PCDH1: variants seen among roughly 807,000 people sequenced by gnomAD.
PCDH1 encodes the protein protocadherin-1.
In PCDH1, 23 loss-of-function variants were observed where a neutral mutation model predicts 74.6. That is an observed-to-expected ratio of 0.31 (90% CI 0.22 to 0.44). PCDH1 has a LOEUF of 0.44. Among genes scored for constraint, PCDH1 ranks in the 20% least tolerant of loss-of-function variants. The pLI is 1.00. For missense variants in PCDH1, 1,214 were observed against 1,641.4 expected, an observed-to-expected ratio of 0.74 and a Z score of 4.50; for synonymous variants, 647 against 686.1, an observed-to-expected ratio of 0.94 and a Z score of 0.89.
At position 141,854,067 on chromosome 5, in the gene PCDH1, G is replaced by A. The variant is rs140762113; in HGVS notation, c.3689C>T (p.Thr1230Met). The change falls in exon 5 of 5, where the codon ACG (threonine) becomes ATG (methionine). Residue 1230 changes from threonine (T) to methionine (M), a missense_variant. By Grantham distance (81) the Thr-to-Met change is moderately conservative. Transcript: ENST00000287008. Reference sequence around the variant, plus strand: ...TCACAGGTAGATCTCGCGCTTGGCCGTCTGGGCAGATGCCGGTGTGGCTGC... The same window carrying A: ...TCACAGGTAGATCTCGCGCTTGGCCATCTGGGCAGATGCCGGTGTGGCTGC... ...PPAATPASAQTAKREIYL is the reference protein window; with the variant it reads ...PPAATPASAQMAKREIYL 3.5e-5 allele frequency: 54 copies of A among 1,527,396 alleles called. No individual in the cohort carries two copies. The highest frequency in any genetic ancestry group is 2.1e-4 in the Middle Eastern group (1 of 4,766). 94.6% of individuals were successfully genotyped at this position (1,527,396 alleles called of 1,614,324 possible). A position where few individuals can be genotyped will look rare whatever the true frequency, so the allele number is the denominator to read the frequency against.
intron 4 of PCDH1, 63 bp from the exon 5 acceptor site, chr5:141,854,499 T>C (rs1210170140): frequency 6.6e-7 from 1 of 1,507,428 alleles, no homozygotes; most frequent in Admixed American, 2.0e-5. Context: ...CTCTGCTTCA[T>C]GGCCTCCCAC....
intron 3 of PCDH1, among the ~76,000 whole-genome samples, chr5:141,860,831 G>A (rs923767283): frequency 2.0e-5 from 3 of 152,096 alleles, no homozygotes; most frequent in African/African-American, 7.2e-5. Context: ...AAATGGAAGT[G>A]AGTGCCGGGC....
At chr5:141,866,464 G>T (rs1752842686) in intron 2 of PCDH1, among the ~76,000 whole-genome samples, 1 of 152,224 alleles carries the variant, frequency 6.6e-6, no homozygotes, top group Non-Finnish European at 1.5e-5. Flanking sequence ...AATGGCCATG[G>T]GGTACTACTG....
At chr5:141,860,117 C>G (rs754508273) in intron 3 of PCDH1, among the ~76,000 whole-genome samples, 26 of 152,172 alleles carry the variant, frequency 1.7e-4, no homozygotes, top group Non-Finnish European at 3.1e-4. Context: ...CTTTCTCCTT[C>G]CAGAAGCCCA....
At chr5:141,877,551 C>T (rs1464248670) in intron 1 of PCDH1, among the ~76,000 whole-genome samples, 2 of 152,182 alleles carry the variant, frequency 1.3e-5, no homozygotes, top group South Asian at 2.1e-4. Flanking sequence ...TTTGTGTGTC[C>T]ACGTCGCGGG....
intron 3 of PCDH1, among the ~76,000 whole-genome samples, chr5:141,860,385 G>T (rs529609879): frequency 2.6e-5 from 4 of 151,650 alleles, no homozygotes; most frequent in Non-Finnish European, 5.9e-5. Flanking sequence ...GGTGGTGCAC[G>T]ACTGTAGTCC....
At chr5:141,855,340 C>T (rs1752295190) in intron 4 of PCDH1, among the ~76,000 whole-genome samples, 1 of 151,446 alleles carries the variant, frequency 6.6e-6, no homozygotes, top group South Asian at 2.1e-4. Context: ...CAAATCTGCC[C>T]TCAGACAGGT....
At chr5:141,862,567 A>G in intron 3 of PCDH1, 1 of 921,686 alleles carries the variant, frequency 1.1e-6, no homozygotes, top group Non-Finnish European at 1.3e-6. Context: ...AGGGAAGGGG[A>G]AATTGAGGTA....
Position 141,868,797 on chromosome 5 carries a change from C to T in PCDH1, c.675G>A (p.Gln225=), listed in dbSNP as rs771076440. 26 of 1,614,126 alleles carry T rather than the reference C, an allele frequency of 1.6e-5. No individual in the cohort carries two copies. The highest frequency in any genetic ancestry group is 2.2e-5 in the Non-Finnish European group (26 of 1,180,054). Residue 225 remains glutamine, a synonymous_variant, in exon 2 of 5, where the codon CAG becomes CAA. Transcript: ENST00000287008. The surrounding 1 kb of genome is among the most constrained non-coding windows in gnomAD (Gnocchi z 4.8). ...ELFGLQVAED[Q]EEKQPQLIVM... is the part of the protein sequence containing the mutation. Reference sequence around the variant, plus strand: ...CAATGAGCTGTGGTTGCTTCTCCTCCTGGTCCTCTGCCACCTGCAGCCCAA... The same window carrying T: ...CAATGAGCTGTGGTTGCTTCTCCTCTTGGTCCTCTGCCACCTGCAGCCCAA...
At position 141,866,055 on chromosome 5, in the gene PCDH1, CAT is replaced by C. The variant is rs1425578221; in HGVS notation, c.904-630_904-629del. 40 of 986,220 alleles carry C rather than the reference CAT, an allele frequency of 4.1e-5. No individual in the cohort carries two copies. In the South Asian group the frequency reaches 4.7e-4, roughly 12 times the overall value. The allele number at this position is 986,220 out of a possible 1,614,324, so 61.1% of individuals were successfully genotyped here. On this transcript the variant is annotated intron_variant, in intron 2 of 4. Coordinates refer to ENST00000287008, the MANE Select transcript of PCDH1 (RefSeq NM_032420.5). Reference sequence around the variant, plus strand: ...GTTTGTGCATATGTGTGTTTGCACACATGAGTAAAGACTCACATGCCCATCTG... The same window carrying C: ...GTTTGTGCATATGTGTGTTTGCACACGAGTAAAGACTCACATGCCCATCTG...
At chr5:141,877,641 G>A (rs1753274110) in intron 1 of PCDH1, among the ~76,000 whole-genome samples, 1 of 152,204 alleles carries the variant, frequency 6.6e-6, no homozygotes, top group South Asian at 2.1e-4. Context: ...ACACTGAAGC[G>A]GATTCTGAGC....
rs1753025692 is a variant in PCDH1, at chr5:141,869,414, G to T, written c.58C>A (p.Pro20Thr). 2 of 1,597,924 alleles carry T rather than the reference G, an allele frequency of 1.3e-6. No homozygotes were observed. Among genetic ancestry groups the T allele is most frequent in the Non-Finnish European group, 1.7e-6 (2 of 1,178,518 alleles). ...CPEAALLILG[P>T]PRMEHLRHSP... is the part of the protein sequence containing the mutation. Reference sequence around the variant, plus strand: ...TGCCTCAGGTGCTCCATCCTGGGAGGCCCCAGAATCAGGAGGGCTGCAAGG... The same window carrying T: ...TGCCTCAGGTGCTCCATCCTGGGAGTCCCCAGAATCAGGAGGGCTGCAAGG... The change falls in exon 2 of 5, where the codon CCT becomes ACT. Residue 20 changes from proline (P) to threonine (T), a missense_variant. Pro to Thr is a conservative substitution (Grantham distance 38). Coordinates refer to ENST00000287008, the MANE Select transcript of PCDH1 (RefSeq NM_032420.5). The surrounding 1 kb of genome is among the most constrained non-coding windows in gnomAD (Gnocchi z 4.9).
Position 141,865,346 on chromosome 5 carries a change from G to A in PCDH1, c.985C>T (p.Leu329Phe). ...CCAGTGTTCCTGTCCAGTCGAAGAA[G>A]ACGCCTCACAACTTCGGGCGCCTGG... is the stretch of plus-strand genomic sequence containing the variant. The part of the protein sequence containing the change: ...FHQAPEVVRR[L>F]LRLDRNTGLI... The change falls in exon 3 of 5, where the codon CTT (leucine) becomes TTT (phenylalanine). Residue 329 changes from leucine (L) to phenylalanine (F), a missense_variant. Around this residue, in one of 4 missense-constraint regions of PCDH1, gnomAD observed 836 missense variants for 1,182.2 expected, o/e 0.71. Coordinates refer to ENST00000287008, the MANE Select transcript of PCDH1 (RefSeq NM_032420.5). This position sits in a 1 kb window ranked among gnomAD's most constrained non-coding sequence, Gnocchi z 4.4. 6.2e-7 allele frequency: 1 copy of A among 1,614,180 alleles called. No individual in the cohort carries two copies. Among genetic ancestry groups the A allele is most frequent in the Non-Finnish European group, 8.5e-7 (1 of 1,180,034 alleles).
rs1753038830 is a variant in PCDH1, at chr5:141,869,669, C to G, written c.41-238G>C. ...GGAGCCAGTAAGAGGCCTGGCATGC[C>G]TAGAGCAGCTCCCGCCCATGGAACA... On this transcript the variant is annotated intron_variant, in intron 1 of 4. Coordinates refer to ENST00000287008, the MANE Select transcript of PCDH1 (RefSeq NM_032420.5). The surrounding 1 kb of genome is among the most constrained non-coding windows in gnomAD (Gnocchi z 4.9). 3.3e-6 allele frequency: 5 copies of G among 1,528,626 alleles called. No homozygotes were observed. In the South Asian group the frequency reaches 6.0e-5, roughly 18 times the overall value. 94.7% of individuals were successfully genotyped at this position (1,528,626 alleles called of 1,614,324 possible).
intron 2 of PCDH1, chr5:141,867,684 G>A: frequency 2.3e-6 from 1 of 430,050 alleles, no homozygotes; most frequent in Non-Finnish European, 4.6e-6. Context: ...AGGACTAAGG[G>A]TTTTCCAGGA....
rs529918090 is a variant in PCDH1, at chr5:141,863,498, C to A, written c.2833G>T (p.Ala945Ser). The A allele has an allele frequency of 8.7e-6, 14 of 1,611,498 alleles. No individual in the cohort carries two copies. The highest frequency in any genetic ancestry group is 1.2e-5 in the Non-Finnish European group (14 of 1,178,742). Residue 945 changes from alanine (A) to serine (S), a missense_variant, in exon 3 of 5, where the codon GCC becomes TCC. This residue lies in a region of PCDH1 where 836 missense variants were observed against 1,182.2 expected (regional missense o/e 0.71). Coordinates refer to ENST00000287008, the MANE Select transcript of PCDH1 (RefSeq NM_032420.5). The surrounding 1 kb of genome is among the most constrained non-coding windows in gnomAD (Gnocchi z 7.5). Reference sequence around the variant, plus strand: ...TGGATGCGGGGACTGTCCCCAGGGGCATCGCTCATCAGGTTGAACTTGAGG... The same window carrying A: ...TGGATGCGGGGACTGTCCCCAGGGGAATCGCTCATCAGGTTGAACTTGAGG... ...KSLKFNLMSD[A>S]PGDSPRIHLP...
At chr5:141,867,333 TACAC>T (rs1752891032) in intron 2 of PCDH1, 12 of 269,032 alleles carry the variant, frequency 4.5e-5, no homozygotes, top group Non-Finnish European at 1.4e-5. Flanking sequence ...GTAAAGCTCT[TACAC>T]ACCTAGGCTC....
At chr5:141,873,797 T>C (rs571625883) in intron 1 of PCDH1, among the ~76,000 whole-genome samples, 1 of 152,018 alleles carries the variant, frequency 6.6e-6, no homozygotes, top group Admixed American at 6.6e-5. Context: ...TCATAATCAC[T>C]CATCATCATC....
chr5:141,866,345 G>A (rs942089112), intron 2 of PCDH1: 3 of 537,462 alleles, frequency 5.6e-6, no homozygotes, highest in Non-Finnish European at 7.1e-6. Context: ...ACAATGAACT[G>A]TCTGTCCCTC....
Sources: allele counts gnomAD v4.1 joint callset (sites outside exome capture counted in the v4.1 genomes callset), GRCh38; gene constraint gnomAD v4.1.1; regional missense constraint gnomAD v4.1.1; non-coding constraint Gnocchi (gnomAD v3.1); transcripts MANE v1.5; gene names NCBI Gene and HGNC (gene_info 2026-07-23, HGNC 2026-07-21).